The following AGTR1 variants were observed in gnomAD, a reference collection of about 807,000 sequenced individuals.
AGTR1 encodes type-1 angiotensin II receptor.
AGTR1 carries 16 observed loss-of-function variants against 19.4 expected under a neutral mutation model. The ratio of observed to expected loss-of-function variants is 0.82; its 90% CI spans 0.56 to 1.25. The LOEUF is 1.25. AGTR1 is among the 50% of genes most tolerant of loss of function. The pLI, the probability that AGTR1 is intolerant of heterozygous loss-of-function variation, is 0.00. For missense variants in AGTR1, 373 were observed against 431.9 expected (o/e 0.86, Z 1.21); for synonymous variants, 153 against 154.9 (o/e 0.99, Z 0.09).
chr3:148,740,985 C>A lies in AGTR1; in HGVS notation c.-47-4C>A. ...CTTTACCATTTTATTTTTATTTTCC[C>A]CAGGTGTATTTGATATAGTGTTTGC... is the stretch of plus-strand genomic sequence containing the variant. On this transcript the variant is annotated splice_region_variant and splice_polypyrimidine_tract_variant and intron_variant, in intron 2 of 2. Coordinates refer to ENST00000349243, the MANE Select transcript of AGTR1 (RefSeq NM_000685.5). 1 of 1,605,392 alleles carries A rather than the reference C, an allele frequency of 6.2e-7. No individual in the cohort carries two copies. Among genetic ancestry groups the A allele is most frequent in the South Asian group, 1.1e-5 (1 of 89,170 alleles).
chr3:148,726,955 A>C (rs1011638852), intron 2 of AGTR1, among the ~76,000 whole-genome samples: 2 of 152,222 alleles, frequency 1.3e-5, no homozygotes, highest in Admixed American at 6.5e-5. Context: ...GGTCTTTCAA[A>C]CTTTATGATG....
intron 2 of AGTR1, among the ~76,000 whole-genome samples, chr3:148,727,812 GTTAAT>G (rs1466954534): frequency 6.6e-6 from 1 of 152,188 alleles, no homozygotes; most frequent in Non-Finnish European, 1.5e-5. Context: ...TCAGTATACA[GTTAAT>G]TTATTTCATA....
intron 2 of AGTR1, among the ~76,000 whole-genome samples, chr3:148,713,637 G>A (rs2107937831): frequency 6.6e-6 from 1 of 152,168 alleles, no homozygotes; most frequent in South Asian, 2.1e-4. Flanking sequence ...CTGATGTGGA[G>A]TCAGTCACAT....
intron 1 of AGTR1, among the ~76,000 whole-genome samples, chr3:148,707,573 C>A (rs1712740360): frequency 2.0e-5 from 3 of 151,338 alleles, no homozygotes; most frequent in Admixed American, 6.6e-5. Flanking sequence ...TGTAGATTCA[C>A]AAGTAAAAAT....
rs370805746 is a variant in AGTR1 at position 148,703,945 on chromosome 3, A to G, written c.-131-3999A>G. 9.2e-4 allele frequency among the ~76,000 whole-genome samples: 140 copies of G among 152,326 alleles called. 1 individual carries two copies. The South Asian group carries it at 0.027, about 30-fold the overall frequency. Reference sequence around the variant, plus strand: ...ATTCCTTCTTTAACTGTTTGAAAAAATACCAAAACTATGACAGCCTGTCCA... The same window carrying G: ...ATTCCTTCTTTAACTGTTTGAAAAAGTACCAAAACTATGACAGCCTGTCCA... On this transcript the variant is annotated intron_variant, in intron 1 of 2. Coordinates refer to ENST00000349243, the MANE Select transcript of AGTR1 (RefSeq NM_000685.5).
chr3:148,703,901 A>G (rs1712502772), intron 1 of AGTR1, among the ~76,000 whole-genome samples: 1 of 152,142 alleles, frequency 6.6e-6, no homozygotes, highest in South Asian at 2.1e-4. Context: ...TTTAAGTGCA[A>G]TAATGGGAAA....
At chr3:148,704,393 T>C (rs781375738) in intron 1 of AGTR1, among the ~76,000 whole-genome samples, 2 of 150,782 alleles carry the variant, frequency 1.3e-5, no homozygotes, top group Non-Finnish European at 3.0e-5. Context: ...ATAACAACTT[T>C]TGATATCTCT....
At chr3:148,700,589 GC>G (rs1712280334) in intron 1 of AGTR1, among the ~76,000 whole-genome samples, 1 of 152,188 alleles carries the variant, frequency 6.6e-6, no homozygotes, top group Non-Finnish European at 1.5e-5. Flanking sequence ...ACTGGAGAAT[GC>G]CAAAGAGTCT....
At chr3:148,698,517 C>A (rs2107919374) in intron 1 of AGTR1, among the ~76,000 whole-genome samples, 1 of 152,294 alleles carries the variant, frequency 6.6e-6, no homozygotes, top group East Asian at 1.9e-4. Context: ...CTCTGCAAGG[C>A]GTTCGTTTAA....
intron 1 of AGTR1, among the ~76,000 whole-genome samples, chr3:148,698,994 TC>T (rs113149598): frequency 0.31 from 46,831 of 150,410 alleles, 11,373 homozygotes; most frequent in African/African-American, 0.69. Flanking sequence ...ACCGTTTTTT[TC>T]TTTGGGCAAC....
At chr3:148,717,407 G>A (rs1713364946) in intron 2 of AGTR1, among the ~76,000 whole-genome samples, 1 of 152,088 alleles carries the variant, frequency 6.6e-6, no homozygotes, top group Non-Finnish European at 1.5e-5. Context: ...ACTCAAATTT[G>A]GGAGTAATTC....
At chr3:148,703,098 A>G (rs1015105068) in intron 1 of AGTR1, among the ~76,000 whole-genome samples, 1 of 152,200 alleles carries the variant, frequency 6.6e-6, no homozygotes, top group African/African-American at 2.4e-5. Context: ...TTAAGATGAC[A>G]GAGGCAGGTG....
chr3:148,732,556 G>T (rs1714326938), intron 2 of AGTR1, among the ~76,000 whole-genome samples: 1 of 151,990 alleles, frequency 6.6e-6, no homozygotes, highest in Non-Finnish European at 1.5e-5. Flanking sequence ...TTAAATTAGT[G>T]TGGGATTAAA....
At chr3:148,734,124 C>A (rs1365334384) in intron 2 of AGTR1, among the ~76,000 whole-genome samples, 1 of 152,070 alleles carries the variant, frequency 6.6e-6, no homozygotes, top group Non-Finnish European at 1.5e-5. Flanking sequence ...TAAGTGGGAA[C>A]TTTTAGAGTT....
chr3:148,731,544 A>G (rs1176511564), intron 2 of AGTR1: 3 of 152,222 alleles, frequency 2.0e-5, no homozygotes, highest in Admixed American at 2.0e-4. Context: ...TTACCCTTGT[A>G]TTATAGAACA....
At chr3:148,722,166 T>C (rs750974773) in intron 2 of AGTR1, among the ~76,000 whole-genome samples, 1 of 152,066 alleles carries the variant, frequency 6.6e-6, no homozygotes, top group Non-Finnish European at 1.5e-5. Context: ...GCGAAGAAGC[T>C]GGAAAGTACA....
At chr3:148,720,951 C>T (rs1358452814) in intron 2 of AGTR1, among the ~76,000 whole-genome samples, 1 of 152,136 alleles carries the variant, frequency 6.6e-6, no homozygotes, top group Non-Finnish European at 1.5e-5. Flanking sequence ...ATTTTTATTA[C>T]TACAAATCAC....
intron 2 of AGTR1, among the ~76,000 whole-genome samples, chr3:148,714,649 A>G (rs1291348930): frequency 6.6e-6 from 1 of 152,204 alleles, no homozygotes; most frequent in Non-Finnish European, 1.5e-5. Context: ...TCTGAAGTGT[A>G]GTGAAATGTT....
At chr3:148,736,431 T>C (rs1714574214) in intron 2 of AGTR1, among the ~76,000 whole-genome samples, 2 of 152,224 alleles carry the variant, frequency 1.3e-5, no homozygotes, top group African/African-American at 4.8e-5. Flanking sequence ...ATGATAAACA[T>C]TTTTCTTTAC....
Sources: gnomAD v4.1 joint callset for allele counts (sites outside exome capture counted in the v4.1 genomes callset) on GRCh38, gnomAD v4.1.1 for gene constraint, MANE v1.5 for transcripts, NCBI Gene and HGNC (gene_info 2026-07-23, HGNC 2026-07-21) for gene names.